Variants in STAT1 observed in about 807,000 individuals in gnomAD.
The protein encoded by STAT1 is signal transducer and activator of transcription 1-alpha/beta.
STAT1 carries 24 observed loss-of-function variants against 111.7 expected under a neutral mutation model. The observed-to-expected ratio is 0.21, with a 90% CI of 0.16 to 0.30. The LOEUF (loss-of-function observed/expected upper bound fraction) is 0.30. STAT1 is among the 10% of genes least tolerant of loss of function. STAT1 has a pLI of 1.00. For missense variants in STAT1, 351 were observed against 911.9 expected (o/e 0.38, Z 7.92); for synonymous variants, 332 against 326.5 (o/e 1.02, Z -0.18).
chr2:190,975,722 AAGTAAAATAC>A lies in STAT1; in HGVS notation c.2135+80_2135+89del, dbSNP rs1691857729. On this transcript the variant is annotated intron_variant, in intron 23 of 24. Transcript: ENST00000361099. The surrounding 1 kb of genome is among the most constrained non-coding windows in gnomAD (Gnocchi z 5.9). ...GATGGCGATAGCAATTACAATGGAA[AAGTAAAATAC>A]AAGCATCTTCAACAGGCCCCAGCCA... 5 of 1,580,360 alleles carry A rather than the reference AAGTAAAATAC, an allele frequency of 3.2e-6. No homozygotes were observed. In the Admixed American group the frequency reaches 9.0e-5, roughly 29 times the overall value.
At chr2:190,994,956 A>G in intron 10 of STAT1, 105 bp downstream of exon 10, 2 of 442,752 alleles carry the variant, frequency 4.5e-6, no homozygotes, top group Admixed American at 3.0e-5. Flanking sequence ...ATATATATAT[A>G]TAAAAAACAC....
intron 2 of STAT1, among the ~76,000 whole-genome samples, chr2:191,010,911 T>C (rs926268964): frequency 4.6e-5 from 7 of 152,168 alleles, no homozygotes; most frequent in Non-Finnish European, 8.8e-5. Context: ...CTAAAATTCA[T>C]TAGGAAAACG....
chr2:190,992,808 G>A, intron 10 of STAT1: 1 of 350,938 alleles, frequency 2.8e-6, no homozygotes. Context: ...TTTTTTTTTT[G>A]AGACAGAGTC....
Position 190,983,673 on chromosome 2 carries a change from A to T in STAT1, c.1415T>A (p.Leu472His). The change falls in exon 17 of 25, where the codon CTT becomes CAT. Residue 472 changes from leucine (L) to histidine (H), a missense_variant. Leu to His is a moderately conservative substitution (Grantham distance 99). Around this residue, in one of 7 missense-constraint regions of STAT1, gnomAD observed 181 missense variants for 426.1 expected, o/e 0.42. Transcript: ENST00000361099. The surrounding 1 kb of genome is among the most constrained non-coding windows in gnomAD (Gnocchi z 5.7). Reference sequence around the variant, plus strand: ...TTCCGCCACCAGCATGTTGTACCAAAGGATGGAGGCCCAACCGCTCGGGAG... The same window carrying T: ...TTCCGCCACCAGCATGTTGTACCAATGGATGGAGGCCCAACCGCTCGGGAG... Reference protein sequence around the residue: ...SQLPSGWASILWYNMLVAEPR... With the variant: ...SQLPSGWASIHWYNMLVAEPR... 6.2e-7 allele frequency: 1 copy of T among 1,614,156 alleles called. No homozygotes were observed. The highest frequency in any genetic ancestry group is 8.5e-7 in the Non-Finnish European group (1 of 1,180,002).
In STAT1 at chr2:190,987,357, T is replaced by C. The variant is rs1047643094; in HGVS notation, c.1098-289A>G. Among the ~76,000 whole-genome samples, 4 of 152,168 alleles carry C rather than the reference T, an allele frequency of 2.6e-5. No homozygotes were observed. Among genetic ancestry groups the C allele is most frequent in the African/African-American group, 7.2e-5 (3 of 41,442 alleles). On this transcript the variant is annotated intron_variant, in intron 12 of 24. Transcript: ENST00000361099. The surrounding 1 kb of genome is among the most constrained non-coding windows in gnomAD (Gnocchi z 4.0). ...ATATAGGACATCATGAGGAATAAAC[T>C]AGTTAATTCCTCACCAGTACACCCT...
rs937390985 is a variant in STAT1, at chr2:190,998,662, C to CA, written c.542-355dup. On this transcript the variant is annotated intron_variant, in intron 7 of 24. Transcript: ENST00000361099. This position sits in a 1 kb window ranked among gnomAD's most constrained non-coding sequence, Gnocchi z 4.1. ...GGGCGACAGAGCGAGACTCCGTCTC[C>CA]AAAAAAAAACAAAAAAAACAAAAAA... 3.2e-4 allele frequency among the ~76,000 whole-genome samples: 32 copies of CA among 100,322 alleles called. No homozygotes were observed. The highest frequency in any genetic ancestry group is 8.8e-4 in the African/African-American group (23 of 26,018). The allele number at this position is 100,322 out of a possible 152,430, so 65.8% of individuals were successfully genotyped here.
chr2:191,009,768 G>T, intron 3 of STAT1, 108 bp downstream of exon 3: 1 of 1,414,806 alleles, frequency 7.1e-7, no homozygotes, highest in Non-Finnish European at 1.0e-6. Context: ...AATAATTCCA[G>T]TGGCCATTGA....
In STAT1 at chr2:190,983,232, T is replaced by C. The variant is rs927758320; in HGVS notation, c.1446+410A>G. ...AAGGAACCTAGCCTCGTAGTTCCCT[T>C]AGGAGCAACAATTCATTATTTGCTA... is the stretch of plus-strand genomic sequence containing the variant. On this transcript the variant is annotated intron_variant, in intron 17 of 24. Transcript: ENST00000361099. The surrounding 1 kb of genome is among the most constrained non-coding windows in gnomAD (Gnocchi z 5.7). 8.5e-5 allele frequency among the ~76,000 whole-genome samples: 13 copies of C among 152,228 alleles called. No homozygotes were observed. Among genetic ancestry groups the C allele is most frequent in the Non-Finnish European group, 1.9e-4 (13 of 68,038 alleles).
rs7562024 is a variant in STAT1, at chr2:190,990,795, T to C, written c.1037+433A>G. On this transcript the variant is annotated intron_variant, in intron 11 of 24. Transcript: ENST00000361099. The surrounding 1 kb of genome is among the most constrained non-coding windows in gnomAD (Gnocchi z 5.1). ...ACAGATATTTATATCACGGACTGCT[T>C]TGAGAAACTGATGAAAGCTATAAAT... Among the ~76,000 whole-genome samples, 81,152 of 152,080 alleles carry C rather than the reference T, an allele frequency of 0.53. 22,686 individuals carry two copies. The highest frequency in any genetic ancestry group is 0.6 in the Non-Finnish European group (41,115 of 67,980).
At position 191,010,010 on chromosome 2, in the gene STAT1, G is replaced by T. The variant is rs754102258; in HGVS notation, c.-1-6C>A. 6.2e-7 allele frequency: 1 copy of T among 1,613,572 alleles called. No individual in the cohort carries two copies. Among genetic ancestry groups the T allele is most frequent in the African/African-American group, 1.3e-5 (1 of 74,884 alleles). On this transcript the variant is annotated splice_region_variant and splice_polypyrimidine_tract_variant and intron_variant, in intron 2 of 24. Coordinates refer to ENST00000361099, the MANE Select transcript of STAT1 (RefSeq NM_007315.4). ...GTTCGTACCACTGAGACATCCTATA[G>T]GGAAAAAGAATATACATTCTTTCTA...
At position 190,982,419 on chromosome 2, in the gene STAT1, C is replaced by T. The variant is rs1239084154; in HGVS notation, c.1546G>A (p.Val516Met). The change falls in exon 18 of 25, where the codon GTG becomes ATG. Residue 516 changes from valine (V) to methionine (M), a missense_variant. Coordinates refer to ENST00000361099, the MANE Select transcript of STAT1 (RefSeq NM_007315.4). The surrounding 1 kb of genome is among the most constrained non-coding windows in gnomAD (Gnocchi z 7.3). ...TCTCCCAACATGTTCAGCTGGTCCA[C>T]ATTGAGACCTCTTTTGGTGACAGAA... The part of the protein sequence containing the change: ...FSSVTKRGLN[V>M]DQLNMLGEKL... The T allele has an allele frequency of 6.2e-7, 1 of 1,614,218 alleles. No homozygotes were observed. The highest frequency in any genetic ancestry group is 1.1e-5 in the South Asian group (1 of 91,088).
rs1692419651 is a variant in STAT1 at position 190,981,886 on chromosome 2, G to A, written c.1582+497C>T. Among the ~76,000 whole-genome samples, 2 of 152,192 alleles carry A rather than the reference G, an allele frequency of 1.3e-5. No homozygotes were observed. The highest frequency in any genetic ancestry group is 4.1e-4 in the South Asian group (2 of 4,828). ...CCACTGTCTAGACTCTGTCCAATCA[G>A]GCAAAACTGCAGATCAAAAGAGGCA... On this transcript the variant is annotated intron_variant, in intron 18 of 24. Coordinates refer to ENST00000361099, the MANE Select transcript of STAT1 (RefSeq NM_007315.4). The surrounding 1 kb of genome is among the most constrained non-coding windows in gnomAD (Gnocchi z 4.1).
At position 190,975,195 on chromosome 2, in the gene STAT1, T is replaced by G; in HGVS notation, c.2136-263A>C. ...GACTGGAATCTGTGCCGCTTCTGCC[T>G]GGGTAAGCCTAGGTGTGAGCATGTG... On this transcript the variant is annotated intron_variant, in intron 23 of 24. Transcript: ENST00000361099. This position sits in a 1 kb window ranked among gnomAD's most constrained non-coding sequence, Gnocchi z 5.9. 2.1e-6 allele frequency: 1 copy of G among 485,772 alleles called. No individual in the cohort carries two copies. Among genetic ancestry groups the G allele is most frequent in the South Asian group, 1.8e-5 (1 of 54,254 alleles). The allele number at this position is 485,772 out of a possible 1,614,324, so 30.1% of individuals were successfully genotyped here.
At position 190,971,723 on chromosome 2, in the gene STAT1, T is replaced by C. The variant is rs1331258210; in HGVS notation, c.2239-1006A>G. 6.6e-6 allele frequency among the ~76,000 whole-genome samples: 1 copy of C among 151,940 alleles called. No homozygotes were observed. Among genetic ancestry groups the C allele is most frequent in the Non-Finnish European group, 1.5e-5 (1 of 67,966 alleles). Reference sequence around the variant, plus strand: ...TTTTCTTTTTCTTTCTTTTTTTTTTTCAAATTGGAGACGGAGTCTTCCTCT... The same window carrying C: ...TTTTCTTTTTCTTTCTTTTTTTTTTCCAAATTGGAGACGGAGTCTTCCTCT... On this transcript the variant is annotated intron_variant, in intron 24 of 24. Coordinates refer to ENST00000361099, the MANE Select transcript of STAT1 (RefSeq NM_007315.4). The surrounding 1 kb of genome is among the most constrained non-coding windows in gnomAD (Gnocchi z 4.1).
rs773540892 is a variant in STAT1 at position 191,001,173 on chromosome 2, G to C, written c.373-10C>G. 1.2e-6 allele frequency: 2 copies of C among 1,608,460 alleles called. No homozygotes were observed. Among genetic ancestry groups the C allele is most frequent in the African/African-American group, 2.7e-5 (2 of 74,840 alleles). On this transcript the variant is annotated splice_polypyrimidine_tract_variant and intron_variant, in intron 5 of 24. Transcript: ENST00000361099. ...TATTCCCCGACTGAGCCTGTAATGGGAAGGGCATGATTATAGCCATCGTTT... is the reference window on the plus strand; with the variant it reads ...TATTCCCCGACTGAGCCTGTAATGGCAAGGGCATGATTATAGCCATCGTTT...
rs1694818545 is a variant in STAT1 at position 191,007,787 on chromosome 2, A to G, written c.274-126T>C. On this transcript the variant is annotated intron_variant, in intron 4 of 24. Coordinates refer to ENST00000361099, the MANE Select transcript of STAT1 (RefSeq NM_007315.4). The surrounding 1 kb of genome is among the most constrained non-coding windows in gnomAD (Gnocchi z 4.2). ...CCTCATCTCTCATCTATTAAATTCT[A>G]TATAAGCTATGTTTGTTAAAATCAA... 1.4e-6 allele frequency: 1 copy of G among 724,100 alleles called. No individual in the cohort carries two copies. Among genetic ancestry groups the G allele is most frequent in the South Asian group, 1.6e-5 (1 of 62,740 alleles). 44.9% of individuals were successfully genotyped at this position (724,100 alleles called of 1,614,324 possible).
In STAT1 at chr2:190,977,158, A is replaced by G; in HGVS notation, c.1874-133T>C. On this transcript the variant is annotated intron_variant, in intron 21 of 24. Transcript: ENST00000361099. This position sits in a 1 kb window ranked among gnomAD's most constrained non-coding sequence, Gnocchi z 4.7. The stretch of plus-strand genomic sequence containing the variant: ...CTAATCACAATCTAAGCATTATAAC[A>G]TATACAGTAGACTGCTTTATTTCTA... The G allele has an allele frequency of 1.2e-6, 1 of 817,022 alleles. No individual in the cohort carries two copies. Among genetic ancestry groups the G allele is most frequent in the East Asian group, 2.6e-5 (1 of 37,760 alleles). The allele number at this position is 817,022 out of a possible 1,614,324, so 50.6% of individuals were successfully genotyped here.
At position 191,009,969 on chromosome 2, in the gene STAT1, G is replaced by C; in HGVS notation, c.35C>G (p.Ser12Ter). Reference sequence around the variant, plus strand: ...CTGGTGAACCTGCTCCAGGAATTTTGAGTCAAGCTGCTGAAGTTCGTACCA... The same window carrying C: ...CTGGTGAACCTGCTCCAGGAATTTTCAGTCAAGCTGCTGAAGTTCGTACCA... The part of the protein sequence containing the change: ...SQWYELQQLD[S>*]KFLEQVHQLY... Residue 12 changes from serine to a stop codon, truncating the protein, a stop_gained, in exon 3 of 25, where the codon TCA (serine) becomes TGA (stop). Transcript: ENST00000361099. LOFTEE classifies it high-confidence loss of function. The C allele has an allele frequency of 6.2e-7, 1 of 1,613,970 alleles. No individual in the cohort carries two copies. The highest frequency in any genetic ancestry group is 1.1e-5 in the South Asian group (1 of 91,060).
Position 191,010,000 on chromosome 2 carries a change from A to C in STAT1, c.4T>G (p.Ser2Ala), listed in dbSNP as rs750529832. Residue 2 changes from serine (S) to alanine (A), a missense_variant, in exon 3 of 25, where the codon TCT becomes GCT. This residue lies in a region of STAT1 where 44 missense variants were observed against 144.2 expected (regional missense o/e 0.31). Transcript: ENST00000361099. ...AGCTGCTGAAGTTCGTACCACTGAG[A>C]CATCCTATAGGGAAAAAGAATATAC... MSQWYELQQLDS... is the reference protein window; with the variant it reads MAQWYELQQLDS... 6 of 1,613,948 alleles carry C rather than the reference A, an allele frequency of 3.7e-6. No individual in the cohort carries two copies. The South Asian group carries it at 5.5e-5, about 15-fold the overall frequency.
Sources: gnomAD v4.1 joint callset for allele counts (sites outside exome capture counted in the v4.1 genomes callset) on GRCh38, gnomAD v4.1.1 for gene constraint, gnomAD v4.1.1 regional missense constraint, Gnocchi (gnomAD v3.1) non-coding constraint, MANE v1.5 for transcripts, NCBI Gene and HGNC (gene_info 2026-07-23, HGNC 2026-07-21) for gene names.